MCPH1: variants seen among roughly 807,000 people sequenced by gnomAD.
The protein encoded by MCPH1 is microcephalin 1, also known as microcephalin.
MCPH1 carries 104 observed loss-of-function variants against 84.5 expected under a neutral mutation model. That is an observed-to-expected ratio of 1.23 (90% confidence interval 1.05 to 1.45). The LOEUF (loss-of-function observed/expected upper bound fraction) is 1.45, where lower values mean the gene tolerates loss of function less well. MCPH1 is among the 40% of genes most tolerant of loss of function. The pLI is 0.00. For missense variants in MCPH1, 1,498 were observed against 1,005.7 expected (o/e 1.49, Z -6.62); for synonymous variants, 514 against 366.8 (o/e 1.40, Z -4.58).
intron 12 of MCPH1, among the ~76,000 whole-genome samples, chr8:6,516,896 G>C (rs902753980): frequency 6.6e-6 from 1 of 152,148 alleles, no homozygotes; most frequent in East Asian, 1.9e-4. Flanking sequence ...AAATGTCTGA[G>C]AGTCACTGCC....
chr8:6,565,843 T>C (rs1267168843), intron 12 of MCPH1, among the ~76,000 whole-genome samples: 2 of 152,202 alleles, frequency 1.3e-5, no homozygotes, highest in Non-Finnish European at 1.5e-5. Context: ...CAATATGCCA[T>C]GTGCAGCTGG....
At chr8:6,454,866 G>GT (rs1381798532) in intron 8 of MCPH1, among the ~76,000 whole-genome samples, 1 of 152,166 alleles carries the variant, frequency 6.6e-6, no homozygotes, top group African/African-American at 2.4e-5. Flanking sequence ...TAAGGTATGG[G>GT]TATACATTTT....
intron 11 of MCPH1, among the ~76,000 whole-genome samples, chr8:6,482,188 T>C (rs1171370871): frequency 6.6e-6 from 1 of 152,206 alleles, no homozygotes; most frequent in East Asian, 1.9e-4. Flanking sequence ...AACTTTGATA[T>C]GCCAAAGAGG....
intron 12 of MCPH1, among the ~76,000 whole-genome samples, chr8:6,518,494 G>A (rs1349480917): frequency 3.3e-5 from 5 of 152,012 alleles, no homozygotes. Context: ...GAATTAGAAA[G>A]GTTTCTTTGG....
chr8:6,450,988 G>T (rs1805021195), intron 8 of MCPH1, among the ~76,000 whole-genome samples: 2 of 152,174 alleles, frequency 1.3e-5, no homozygotes, highest in African/African-American at 4.8e-5. Context: ...GATTACAGTT[G>T]TGAGCCACTG....
intron 13 of MCPH1, among the ~76,000 whole-genome samples, chr8:6,637,621 G>T (rs1459687118): frequency 6.6e-6 from 1 of 152,138 alleles, no homozygotes; most frequent in Non-Finnish European, 1.5e-5. Context: ...TAAGTGGGAG[G>T]ATTAGGCTGC....
At chr8:6,556,070 C>T (rs1371847362) in intron 12 of MCPH1, among the ~76,000 whole-genome samples, 1 of 152,040 alleles carries the variant, frequency 6.6e-6, no homozygotes, top group Non-Finnish European at 1.5e-5. Flanking sequence ...GTCTCAAGAT[C>T]GATGTCCCAG....
intron 12 of MCPH1, among the ~76,000 whole-genome samples, chr8:6,542,632 A>G (rs1023074997): frequency 1.3e-5 from 2 of 151,908 alleles, no homozygotes; most frequent in African/African-American, 2.4e-5. Context: ...AGGAGCATTA[A>G]CATTCTTACT....
At chr8:6,513,924 A>G in intron 12 of MCPH1, 2 of 1,284,174 alleles carry the variant, frequency 1.6e-6, no homozygotes, top group East Asian at 2.4e-5. Flanking sequence ...CGTCAACTTA[A>G]CATAGAATAA....
In MCPH1 at chr8:6,481,026, T is replaced by C; in HGVS notation, c.2136+150T>C. The C allele has an allele frequency of 7.0e-6, 7 of 995,766 alleles. No individual in the cohort carries two copies. In the South Asian group the frequency reaches 9.7e-5, roughly 14 times the overall value. 61.7% of individuals were successfully genotyped at this position (995,766 alleles called of 1,614,324 possible). A position where few individuals can be genotyped will look rare whatever the true frequency, so the allele number is the denominator to read the frequency against. On this transcript the variant is annotated intron_variant, in intron 11 of 13. Coordinates refer to ENST00000344683, the MANE Select transcript of MCPH1 (RefSeq NM_024596.5). ...AGCTGGGAACACCCGTCTTTCCTCC[T>C]GTTGGTCTCCCGTGGGCTGCTACCC...
At chr8:6,505,707 A>G (rs1280907422) in intron 12 of MCPH1, among the ~76,000 whole-genome samples, 23 of 91,246 alleles carry the variant, frequency 2.5e-4, no homozygotes, top group African/African-American at 6.6e-4. Flanking sequence ...ATTCTTTATT[A>G]CGTATATATA....
At chr8:6,426,462 C>T (rs1220628046) in intron 3 of MCPH1, among the ~76,000 whole-genome samples, 5 of 152,206 alleles carry the variant, frequency 3.3e-5, no homozygotes, top group Non-Finnish European at 5.9e-5. Flanking sequence ...CTATTTTGTG[C>T]CTGACATCAC....
intron 11 of MCPH1, among the ~76,000 whole-genome samples, chr8:6,483,874 AAGGAG>A (rs1362099274): frequency 6.9e-6 from 1 of 144,300 alleles, no homozygotes; most frequent in East Asian, 2.1e-4. Flanking sequence ...AAGAAAAGAA[AAGGAG>A]AGGAGAGGAG....
intron 13 of MCPH1, among the ~76,000 whole-genome samples, chr8:6,624,128 C>A (rs1230431351): frequency 2.0e-5 from 3 of 152,238 alleles, no homozygotes; most frequent in Non-Finnish European, 4.4e-5. Context: ...CCGCTCGGCT[C>A]TCCCGCCCGT....
At chr8:6,579,303 TCTC>T (rs1563151155) in intron 12 of MCPH1, among the ~76,000 whole-genome samples, 1 of 152,190 alleles carries the variant, frequency 6.6e-6, no homozygotes, top group East Asian at 1.9e-4. Flanking sequence ...CCGGTCCCCT[TCTC>T]CTCCATTTGA....
At chr8:6,507,567 C>G (rs952799697) in intron 12 of MCPH1, 5 of 123,722 alleles carry the variant, frequency 4.0e-5, no homozygotes, top group Non-Finnish European at 8.2e-5. Context: ...ATAACACTTT[C>G]TTTTCTTTTT....
At chr8:6,408,690 C>G (rs576548104) in intron 1 of MCPH1, among the ~76,000 whole-genome samples, 17 of 151,900 alleles carry the variant, frequency 1.1e-4, no homozygotes, top group Admixed American at 9.9e-4. Context: ...CACCCAGTAG[C>G]TGGGACTACA....
intron 12 of MCPH1, among the ~76,000 whole-genome samples, chr8:6,530,433 C>T (rs377527132): frequency 4.7e-5 from 7 of 149,424 alleles, no homozygotes; most frequent in Non-Finnish European, 8.9e-5. Context: ...CGCTTGAACC[C>T]GGGAGGTGGA....
chr8:6,632,759 A>G (rs1426657180), intron 13 of MCPH1, among the ~76,000 whole-genome samples: 3 of 152,168 alleles, frequency 2.0e-5, no homozygotes, highest in Non-Finnish European at 4.4e-5. Flanking sequence ...CAGTGAGCCA[A>G]GAGTGCGCCA....
Sources: allele counts gnomAD v4.1 joint callset (sites outside exome capture counted in the v4.1 genomes callset), GRCh38; gene constraint gnomAD v4.1.1; transcripts MANE v1.5; gene names NCBI Gene and HGNC (gene_info 2026-07-23, HGNC 2026-07-21).